AGAP1: variants seen among roughly 807,000 people sequenced by gnomAD.
The protein encoded by AGAP1 is ArfGAP with GTPase domain, ankyrin repeat and PH domain 1.
AGAP1 carries 29 observed loss-of-function variants against 105.3 expected under a neutral mutation model. The ratio of observed to expected loss-of-function variants is 0.28; its 90% CI spans 0.21 to 0.38. The LOEUF (loss-of-function observed/expected upper bound fraction) is 0.38. Among genes scored for constraint, AGAP1 ranks in the 10% least tolerant of loss-of-function variants. The pLI is 1.00. For synonymous variants in AGAP1, 509 were observed against 485.9 expected (o/e 1.05, Z -0.63); for missense variants, 998 against 1,165.1 (o/e 0.86, Z 2.09).
chr2:236,127,722 G>A lies in AGAP1; in HGVS notation c.*3600G>A, dbSNP rs1170117261. ...GGTCATTCCCTATATCTGCATAGGAGCTATTGCTAACCTTGTTAGGGAGAA... is the reference window on the plus strand; with the variant it reads ...GGTCATTCCCTATATCTGCATAGGAACTATTGCTAACCTTGTTAGGGAGAA... On this transcript the variant is annotated 3_prime_UTR_variant, in exon 18 of 18. Transcript: ENST00000304032. The surrounding 1 kb of genome is among the most constrained non-coding windows in gnomAD (Gnocchi z 6.6). 3 of 152,338 alleles carry A rather than the reference G, an allele frequency of 2.0e-5. No homozygotes were observed. In the East Asian group the frequency reaches 5.8e-4, roughly 29 times the overall value. The allele number at this position is 152,338 out of a possible 1,614,324, so 9.4% of individuals were successfully genotyped here.
chr2:235,642,535 C>A lies in AGAP1; in HGVS notation c.164-66644C>A, dbSNP rs926862151. Reference sequence around the variant, plus strand: ...GTCATGCCTGGACTTGTCTTCTCCACCTTCCACTTGTCCTAACAGCTGTCG... The same window carrying A: ...GTCATGCCTGGACTTGTCTTCTCCAACTTCCACTTGTCCTAACAGCTGTCG... On this transcript the variant is annotated intron_variant, in intron 1 of 17. Coordinates refer to ENST00000304032, the MANE Select transcript of AGAP1 (RefSeq NM_001037131.3). The surrounding 1 kb of genome is among the most constrained non-coding windows in gnomAD (Gnocchi z 4.1). Among the ~76,000 whole-genome samples, 46 of 152,288 alleles carry A rather than the reference C, an allele frequency of 3.0e-4. No individual in the cohort carries two copies. In the Middle Eastern group the frequency reaches 0.01, roughly 34 times the overall value.
intron 1 of AGAP1, among the ~76,000 whole-genome samples, chr2:235,672,823 A>G (rs1450215873): frequency 6.6e-6 from 1 of 152,214 alleles, no homozygotes; most frequent in Non-Finnish European, 1.5e-5. Flanking sequence ...TGGAGTTTGG[A>G]TAGTTCCTCT....
At chr2:236,052,058 GTC>G (rs1240178629) in intron 16 of AGAP1, among the ~76,000 whole-genome samples, 2 of 152,092 alleles carry the variant, frequency 1.3e-5, no homozygotes, top group Non-Finnish European at 2.9e-5. Context: ...GCCCCTCCTG[GTC>G]TCTCTGCAGA....
rs546380341 is a variant in AGAP1 at position 235,577,626 on chromosome 2, C to T, written c.163+82777C>T. Among the ~76,000 whole-genome samples the T allele has an allele frequency of 2.6e-4, 40 of 152,220 alleles. No homozygotes were observed. The highest frequency in any genetic ancestry group is 7.5e-4 in the African/African-American group (31 of 41,550). Reference sequence around the variant, plus strand: ...CTGCCTGACTACATGGTTCTTCCCCCGGTTATTTTTGTTTGGGCAGTTAAC... The same window carrying T: ...CTGCCTGACTACATGGTTCTTCCCCTGGTTATTTTTGTTTGGGCAGTTAAC... On this transcript the variant is annotated intron_variant, in intron 1 of 17. Transcript: ENST00000304032. This position sits in a 1 kb window ranked among gnomAD's most constrained non-coding sequence, Gnocchi z 4.5.
chr2:235,806,237 G>A (rs1238319624), intron 8 of AGAP1, among the ~76,000 whole-genome samples: 1 of 152,134 alleles, frequency 6.6e-6, no homozygotes, highest in Non-Finnish European at 1.5e-5. Context: ...TCTCAGATTT[G>A]AAAAGCACGT....
chr2:235,954,873 A>T (rs2053883445), intron 12 of AGAP1, among the ~76,000 whole-genome samples: 1 of 152,078 alleles, frequency 6.6e-6, no homozygotes, highest in Admixed American at 6.6e-5. Flanking sequence ...TGACCAGGGC[A>T]TGGGTCTCTC....
Position 235,882,397 on chromosome 2 carries a change from C to G in AGAP1, c.1051-948C>G. The stretch of plus-strand genomic sequence containing the variant: ...TCACTCCGCTTCTGCCCAGTGGTCT[C>G]TTTGGTCGGCAGGGTGTTCTTCTCC... On this transcript the variant is annotated intron_variant, in intron 9 of 17. Coordinates refer to ENST00000304032, the MANE Select transcript of AGAP1 (RefSeq NM_001037131.3). This position sits in a 1 kb window ranked among gnomAD's most constrained non-coding sequence, Gnocchi z 4.6. 1.3e-6 allele frequency: 2 copies of G among 1,576,250 alleles called. No homozygotes were observed. The highest frequency in any genetic ancestry group is 1.7e-6 in the Non-Finnish European group (2 of 1,151,216).
At position 235,719,841 on chromosome 2, in the gene AGAP1, G is replaced by A. The variant is rs1199743071; in HGVS notation, c.310+2197G>A. On this transcript the variant is annotated intron_variant, in intron 3 of 17. Transcript: ENST00000304032. This position sits in a 1 kb window ranked among gnomAD's most constrained non-coding sequence, Gnocchi z 4.9. ...AGCTGACAGCAGCAGACACCCAGGT[G>A]CACCCCAGTGGGTGTGTGTCTAGGG... is the stretch of plus-strand genomic sequence containing the variant. Among the ~76,000 whole-genome samples, 3 of 152,188 alleles carry A rather than the reference G, an allele frequency of 2.0e-5. No individual in the cohort carries two copies. Among genetic ancestry groups the A allele is most frequent in the African/African-American group, 7.2e-5 (3 of 41,456 alleles).
In AGAP1 at chr2:235,970,702, G is replaced by A. The variant is rs1274556997; in HGVS notation, c.1645+2079G>A. Among the ~76,000 whole-genome samples the A allele has an allele frequency of 1.3e-5, 2 of 152,230 alleles. No homozygotes were observed. The highest frequency in any genetic ancestry group is 4.8e-5 in the African/African-American group (2 of 41,448). Reference sequence around the variant, plus strand: ...CACGTGTTGACCGCTGTGTAAATGAGTGAATAAATCAGTAGCGTTTCTGCA... The same window carrying A: ...CACGTGTTGACCGCTGTGTAAATGAATGAATAAATCAGTAGCGTTTCTGCA... On this transcript the variant is annotated intron_variant, in intron 13 of 17. Coordinates refer to ENST00000304032, the MANE Select transcript of AGAP1 (RefSeq NM_001037131.3). The surrounding 1 kb of genome is among the most constrained non-coding windows in gnomAD (Gnocchi z 5.4).
intron 1 of AGAP1, among the ~76,000 whole-genome samples, chr2:235,581,377 AG>A (rs1223059023): frequency 4.0e-5 from 6 of 151,112 alleles, no homozygotes; most frequent in African/African-American, 1.5e-4. Flanking sequence ...GTGGAGGTGC[AG>A]GACTTCCAGC....
intron 16 of AGAP1, among the ~76,000 whole-genome samples, chr2:236,077,136 A>ATATAT (rs1309896544): frequency 1.4e-5 from 2 of 144,300 alleles, no homozygotes; most frequent in African/African-American, 5.2e-5. Context: ...GAAAAAAAAA[A>ATATAT]AAAAAAATAT....
At chr2:235,764,000 T>C (rs181384088) in intron 6 of AGAP1, among the ~76,000 whole-genome samples, 37,022 of 149,658 alleles carry the variant, frequency 0.25, 4,843 homozygotes, top group Admixed American at 0.39. Flanking sequence ...GTGGCTGTGA[T>C]CCGTGCGTGG....
At position 236,020,981 on chromosome 2, in the gene AGAP1, C is replaced by T. The variant is rs1052459626; in HGVS notation, c.1646-15580C>T. On this transcript the variant is annotated intron_variant, in intron 13 of 17. Transcript: ENST00000304032. This position sits in a 1 kb window ranked among gnomAD's most constrained non-coding sequence, Gnocchi z 5.0. ...AGACATTCGAGACCAGCCTGGTCAA[C>T]GTGGTGAAACCCCATCTCTACTAAA... is the stretch of plus-strand genomic sequence containing the variant. Among the ~76,000 whole-genome samples the T allele has an allele frequency of 6.6e-6, 1 of 151,944 alleles. No individual in the cohort carries two copies. Among genetic ancestry groups the T allele is most frequent in the Non-Finnish European group, 1.5e-5 (1 of 68,000 alleles).
At chr2:235,671,070 G>A (rs1486360787) in intron 1 of AGAP1, 11 of 1,262,492 alleles carry the variant, frequency 8.7e-6, no homozygotes, top group Non-Finnish European at 1.1e-5. Flanking sequence ...GGGCAGCGTG[G>A]CCGGGGGTCC....
At chr2:235,768,274 T>C (rs1575399191) in intron 6 of AGAP1, among the ~76,000 whole-genome samples, 1 of 152,386 alleles carries the variant, frequency 6.6e-6, no homozygotes, top group Non-Finnish European at 1.5e-5. Context: ...TCAATTTCTA[T>C]ATTTGTAAAA....
rs1396154950 is a variant in AGAP1 at position 235,754,321 on chromosome 2, T to C, written c.673+3833T>C. Among the ~76,000 whole-genome samples, 3 of 152,234 alleles carry C rather than the reference T, an allele frequency of 2.0e-5. No individual in the cohort carries two copies. Among genetic ancestry groups the C allele is most frequent in the Non-Finnish European group, 4.4e-5 (3 of 68,040 alleles). On this transcript the variant is annotated intron_variant, in intron 6 of 17. Transcript: ENST00000304032. This position sits in a 1 kb window ranked among gnomAD's most constrained non-coding sequence, Gnocchi z 4.6. ...TCTTGATAACTCTCTGGCTTCTTTT[T>C]TGCCCTAGGGCTTACTTTGTTTATT... is the stretch of plus-strand genomic sequence containing the variant.
intron 13 of AGAP1, among the ~76,000 whole-genome samples, chr2:236,018,108 AT>A (rs1442604923): frequency 6.6e-6 from 1 of 152,240 alleles, no homozygotes; most frequent in African/African-American, 2.4e-5. Context: ...GATATATATG[AT>A]TGCACTAATG....
chr2:235,758,839 C>G (rs1954156293), intron 6 of AGAP1, among the ~76,000 whole-genome samples: 5 of 152,194 alleles, frequency 3.3e-5, no homozygotes, highest in Non-Finnish European at 7.3e-5. Context: ...GTCACACAAG[C>G]TGGAGTGCAG....
Position 236,096,634 on chromosome 2 carries a change from A to G in AGAP1, c.2115-23558A>G, listed in dbSNP as rs1427420262. On this transcript the variant is annotated intron_variant, in intron 16 of 17. Transcript: ENST00000304032. This position sits in a 1 kb window ranked among gnomAD's most constrained non-coding sequence, Gnocchi z 4.4. Reference sequence around the variant, plus strand: ...GCTCTTGTCACCCAGGCTGGAGTGCAGTGGCATGATCTCATCTCACTGCAA... The same window carrying G: ...GCTCTTGTCACCCAGGCTGGAGTGCGGTGGCATGATCTCATCTCACTGCAA... Among the ~76,000 whole-genome samples the G allele has an allele frequency of 6.6e-6, 1 of 151,712 alleles. No homozygotes were observed. The highest frequency in any genetic ancestry group is 2.4e-5 in the African/African-American group (1 of 41,384).
Sources: allele counts gnomAD v4.1 joint callset (sites outside exome capture counted in the v4.1 genomes callset), GRCh38; gene constraint gnomAD v4.1.1; non-coding constraint Gnocchi (gnomAD v3.1); transcripts MANE v1.5; gene names NCBI Gene and HGNC (gene_info 2026-07-23, HGNC 2026-07-21).